The following FRAS1 variants were observed in gnomAD, a reference collection of about 807,000 sequenced individuals.
The protein encoded by FRAS1 is extracellular matrix organizing protein FRAS1.
A neutral mutation model predicts 435.2 loss-of-function variants in FRAS1; 290 were observed. The observed-to-expected ratio is 0.67, with a 90% CI of 0.61 to 0.73. The LOEUF is 0.73. Ranked by LOEUF, FRAS1 falls within the 30% of genes least tolerant of loss-of-function variation. The probability of loss-of-function intolerance (pLI) is 0.00; values close to 1 mark genes in which losing one functional copy is unlikely to be tolerated. For synonymous variants in FRAS1, 1,800 were observed against 1,851.0 expected (o/e 0.97, Z 0.71); for missense variants, 4,860 against 5,001.5 (o/e 0.97, Z 0.85).
chr4:78,363,305 C>T (rs890947052), intron 20 of FRAS1, among the ~76,000 whole-genome samples: 1 of 152,212 alleles, frequency 6.6e-6, no homozygotes, highest in African/African-American at 2.4e-5. Context: ...AATCACTGTG[C>T]TGGGCCTGGC....
chr4:78,446,770 G>T lies in FRAS1; in HGVS notation c.5900G>T (p.Arg1967Ile), dbSNP rs1718845192. 4 of 1,613,450 alleles carry T rather than the reference G, an allele frequency of 2.5e-6. No individual in the cohort carries two copies. The highest frequency in any genetic ancestry group is 2.5e-6 in the Non-Finnish European group (3 of 1,179,756). ...EPPRMTLQPL[R>I]VQLSSGVVIS... ...CCCAGGATGACCTTGCAGCCCCTCAGAGTGCAGCTGAGCTCGGGAGTGGTG... is the reference window on the plus strand; with the variant it reads ...CCCAGGATGACCTTGCAGCCCCTCATAGTGCAGCTGAGCTCGGGAGTGGTG... The change falls in exon 43 of 74, where the codon AGA becomes ATA. Residue 1967 changes from arginine to isoleucine, a missense_variant. By Grantham distance (97) the Arg-to-Ile change is moderately conservative. Coordinates refer to ENST00000512123, the MANE Select transcript of FRAS1 (RefSeq NM_025074.7).
At chr4:78,323,745 A>G (rs1729600781) in intron 18 of FRAS1, among the ~76,000 whole-genome samples, 1 of 152,126 alleles carries the variant, frequency 6.6e-6, no homozygotes, top group South Asian at 2.1e-4. Context: ...CTAGAACTGT[A>G]TGTCTCCTGG....
At chr4:78,283,168 T>C (rs1400314923) in intron 12 of FRAS1, among the ~76,000 whole-genome samples, 2 of 152,256 alleles carry the variant, frequency 1.3e-5, no homozygotes, top group Non-Finnish European at 2.9e-5. Context: ...ATTATGAGCA[T>C]GTGACCTTGG....
chr4:78,533,915 G>A (rs540383691), intron 70 of FRAS1, among the ~76,000 whole-genome samples: 1 of 152,290 alleles, frequency 6.6e-6, no homozygotes, highest in Non-Finnish European at 1.5e-5. Context: ...AACAATAAGG[G>A]TCCCAGAACT....
At chr4:78,163,847 A>G (rs1721236170) in intron 2 of FRAS1, among the ~76,000 whole-genome samples, 1 of 152,190 alleles carries the variant, frequency 6.6e-6, no homozygotes, top group Admixed American at 6.6e-5. Context: ...AAGCAGTATA[A>G]GGAGTTCTTA....
chr4:78,211,984 A>G (rs2110085805), intron 2 of FRAS1, among the ~76,000 whole-genome samples: 1 of 152,240 alleles, frequency 6.6e-6, no homozygotes, highest in South Asian at 2.1e-4. Flanking sequence ...CTCATTTGGT[A>G]TGTTTTCAAG....
At chr4:78,517,963 A>C (rs1402786320) in intron 66 of FRAS1, among the ~76,000 whole-genome samples, 3 of 152,092 alleles carry the variant, frequency 2.0e-5, no homozygotes, top group African/African-American at 7.2e-5. Context: ...AAAAGAACAA[A>C]AAGAGGGGCT....
At chr4:78,234,507 GA>G (rs1364419903) in intron 2 of FRAS1, among the ~76,000 whole-genome samples, 5 of 152,202 alleles carry the variant, frequency 3.3e-5, no homozygotes, top group Non-Finnish European at 7.4e-5. Flanking sequence ...TTACAGGCGT[GA>G]GCTGCCGCAC....
At chr4:78,304,826 T>C (rs1032412736) in intron 14 of FRAS1, among the ~76,000 whole-genome samples, 2 of 137,036 alleles carry the variant, frequency 1.5e-5, no homozygotes, top group Non-Finnish European at 3.3e-5. Context: ...CTGGATTCAT[T>C]AATTTTTTGA....
At position 78,176,374 on chromosome 4, in the gene FRAS1, G is replaced by C. The variant is rs972933939; in HGVS notation, c.109-61136G>C. Among the ~76,000 whole-genome samples, 5 of 152,200 alleles carry C rather than the reference G, an allele frequency of 3.3e-5. No individual in the cohort carries two copies. In the South Asian group the frequency reaches 1.0e-3, roughly 32 times the overall value. ...CCTCCCATTGTGAGTATGAGGACTCGCAATTCCACCCATTCCCATTGCCAT... is the reference window on the plus strand; with the variant it reads ...CCTCCCATTGTGAGTATGAGGACTCCCAATTCCACCCATTCCCATTGCCAT... On this transcript the variant is annotated intron_variant, in intron 2 of 73. Transcript: ENST00000512123.
At chr4:78,459,303 T>C (rs761460329) in intron 47 of FRAS1, among the ~76,000 whole-genome samples, 1 of 152,250 alleles carries the variant, frequency 6.6e-6, no homozygotes, top group Non-Finnish European at 1.5e-5. Context: ...GAGTAGCTGC[T>C]ACAAGAGAAT....
intron 28 of FRAS1, 100 bp from the exon 29 acceptor site, chr4:78,387,273 TAG>T: frequency 2.3e-6 from 2 of 865,320 alleles, no homozygotes; most frequent in East Asian, 2.5e-5. Context: ...CTAGAACACT[TAG>T]AGTTTCTCAA....
At chr4:78,168,623 G>A (rs988881023) in intron 2 of FRAS1, among the ~76,000 whole-genome samples, 4 of 151,916 alleles carry the variant, frequency 2.6e-5, no homozygotes, top group Non-Finnish European at 4.4e-5. Context: ...CTTATACCAT[G>A]TTAGTTTTCT....
At chr4:78,487,450 G>A (rs4975128) in intron 58 of FRAS1, among the ~76,000 whole-genome samples, 77,512 of 151,850 alleles carry the variant, frequency 0.51, 19,931 homozygotes, top group Admixed American at 0.56. Context: ...TCCTTTCTGG[G>A]TTGGTGGGGT....
chr4:78,483,566 C>T (rs894423709), intron 58 of FRAS1, among the ~76,000 whole-genome samples: 15 of 151,788 alleles, frequency 9.9e-5, no homozygotes, highest in African/African-American at 2.9e-4. Context: ...GAAGCCAAGT[C>T]GGATAATCTT....
At chr4:78,185,944 A>G (rs566618689) in intron 2 of FRAS1, among the ~76,000 whole-genome samples, 3 of 152,272 alleles carry the variant, frequency 2.0e-5, no homozygotes, top group African/African-American at 7.2e-5. Flanking sequence ...ACCCTTTCCT[A>G]TAAACCTGCT....
rs3086797 is a variant in FRAS1 at position 78,373,446 on chromosome 4, CTAATAATAA to C, written c.3010+621_3011-624del. Among the ~76,000 whole-genome samples the C allele has an allele frequency of 2.0e-3, 278 of 138,910 alleles. 2 individuals are homozygous for C. Among genetic ancestry groups the C allele is most frequent in the South Asian group, 5.9e-3 (25 of 4,234 alleles). 91.1% of individuals were successfully genotyped at this position (138,910 alleles called of 152,430 possible). A position where few individuals can be genotyped will look rare whatever the true frequency, so the allele number is the denominator to read the frequency against. On this transcript the variant is annotated intron_variant, in intron 24 of 73. Transcript: ENST00000512123. Reference sequence around the variant, plus strand: ...GCAAAACAGTACTGAGAGCCAAGGACTAATAATAATAATAATAATAATAATAATAATAAT... The same window carrying C: ...GCAAAACAGTACTGAGAGCCAAGGACTAATAATAATAATAATAATAATAAT...
At chr4:78,298,606 G>A (rs940219704) in intron 14 of FRAS1, among the ~76,000 whole-genome samples, 10 of 152,184 alleles carry the variant, frequency 6.6e-5, no homozygotes, top group Admixed American at 4.6e-4. Context: ...ATCATAAGCA[G>A]ATTTGGACTT....
intron 2 of FRAS1, among the ~76,000 whole-genome samples, chr4:78,108,948 C>A (rs1387484643): frequency 5.1e-5 from 5 of 98,310 alleles, no homozygotes; most frequent in Non-Finnish European, 1.0e-4. Flanking sequence ...ATACAAACTA[C>A]CATCAGAGAA....
Sources: gnomAD v4.1 joint callset for allele counts (sites outside exome capture counted in the v4.1 genomes callset) on GRCh38, gnomAD v4.1.1 for gene constraint, MANE v1.5 for transcripts, NCBI Gene and HGNC (gene_info 2026-07-23, HGNC 2026-07-21) for gene names.